PTPRD: variants seen among roughly 807,000 people sequenced by gnomAD.
PTPRD encodes protein tyrosine phosphatase receptor type D.
PTPRD carries 34 observed loss-of-function variants against 214.5 expected under a neutral mutation model. The observed-to-expected ratio is 0.16, with a 90% CI of 0.12 to 0.21. PTPRD has a LOEUF of 0.21. PTPRD is among the 10% of genes least tolerant of loss of function. PTPRD has a pLI of 1.00. For synonymous variants in PTPRD, 1,128 were observed against 845.7 expected (o/e 1.33, Z -5.79); for missense variants, 2,545 against 2,398.7 (o/e 1.06, Z -1.27).
At chr9:10,405,141 A>G (rs138171398) in intron 2 of PTPRD, among the ~76,000 whole-genome samples, 188 of 151,778 alleles carry the variant, frequency 1.2e-3, no homozygotes, top group African/African-American at 4.3e-3. Flanking sequence ...AGTCCTAAAG[A>G]AACTACAAAA....
intron 2 of PTPRD, among the ~76,000 whole-genome samples, chr9:10,425,220 G>C (rs1426623708): frequency 6.6e-6 from 1 of 151,890 alleles, no homozygotes; most frequent in Non-Finnish European, 1.5e-5. Flanking sequence ...CAGCTCATTA[G>C]AGTTATTCAA....
At chr9:9,869,010 A>G (rs2064749446) in intron 5 of PTPRD, among the ~76,000 whole-genome samples, 5 of 152,212 alleles carry the variant, frequency 3.3e-5, no homozygotes, top group Admixed American at 3.3e-4. Flanking sequence ...CATCTAATTA[A>G]GAGGCATAAT....
At chr9:8,828,922 G>A (rs937140605) in intron 11 of PTPRD, among the ~76,000 whole-genome samples, 91 of 152,062 alleles carry the variant, frequency 6.0e-4, no homozygotes, top group Non-Finnish European at 1.0e-3. Flanking sequence ...CAGCATATGT[G>A]GACAACAGTG....
chr9:9,207,758 T>A (rs1325339491), intron 9 of PTPRD, among the ~76,000 whole-genome samples: 1 of 152,084 alleles, frequency 6.6e-6, no homozygotes, highest in African/African-American at 2.4e-5. Context: ...TGGTCAAAGC[T>A]GTTAAATGTA....
chr9:9,573,902 A>T (rs2087449971), intron 8 of PTPRD, among the ~76,000 whole-genome samples: 1 of 151,796 alleles, frequency 6.6e-6, no homozygotes, highest in Non-Finnish European at 1.5e-5. Context: ...ACATTGCAAT[A>T]ATGCTATATG....
At chr9:8,911,415 T>TTGTGTGTGTGTG (rs757801073) in intron 11 of PTPRD, among the ~76,000 whole-genome samples, 4 of 127,632 alleles carry the variant, frequency 3.1e-5, no homozygotes, top group African/African-American at 8.1e-5. Flanking sequence ...TGTGTGTGTG[T>TTGTGTGTGTGTG]TGTGTGTGTG....
chr9:8,569,649 T>C (rs1403184700), intron 14 of PTPRD, among the ~76,000 whole-genome samples: 1 of 152,126 alleles, frequency 6.6e-6, no homozygotes, highest in Non-Finnish European at 1.5e-5. Context: ...TTCCTTTTCA[T>C]TTATCTAAAC....
At chr9:8,320,367 G>C (rs571092305) in intron 44 of PTPRD, among the ~76,000 whole-genome samples, 2 of 151,892 alleles carry the variant, frequency 1.3e-5, no homozygotes, top group Non-Finnish European at 2.9e-5. Context: ...AGTGAATTTG[G>C]CATCTTCAAC....
At chr9:9,843,026 TCTAACA>T (rs1370131500) in intron 5 of PTPRD, among the ~76,000 whole-genome samples, 2 of 152,120 alleles carry the variant, frequency 1.3e-5, no homozygotes, top group Non-Finnish European at 2.9e-5. Context: ...CAATTCAACA[TCTAACA>T]CTTGTGTTCA....
Position 9,769,831 on chromosome 9 carries a change from C to G in PTPRD, c.-367-2980G>C, listed in dbSNP as rs897752829. ...GTGTCCATGTGTTCTCATTGTTCAACTCCCACTTACAAGTGAGAACATGTG... is the reference window on the plus strand; with the variant it reads ...GTGTCCATGTGTTCTCATTGTTCAAGTCCCACTTACAAGTGAGAACATGTG... On this transcript the variant is annotated intron_variant, in intron 5 of 45. Transcript: ENST00000381196. 2.0e-5 allele frequency among the ~76,000 whole-genome samples: 3 copies of G among 151,912 alleles called. No individual in the cohort carries two copies. The East Asian group carries it at 5.8e-4, about 30-fold the overall frequency.
chr9:9,655,262 A>G (rs1320619009), intron 7 of PTPRD, among the ~76,000 whole-genome samples: 1 of 152,174 alleles, frequency 6.6e-6, no homozygotes, highest in Admixed American at 6.6e-5. Context: ...AACAATAAGA[A>G]AACAATCTGA....
At chr9:10,335,006 G>A (rs983348130) in intron 3 of PTPRD, among the ~76,000 whole-genome samples, 1 of 151,608 alleles carries the variant, frequency 6.6e-6, no homozygotes, top group Non-Finnish European at 1.5e-5. Flanking sequence ...CAACATAACA[G>A]TTCTTCCCAA....
intron 2 of PTPRD, among the ~76,000 whole-genome samples, chr9:10,521,669 C>G (rs532029220): frequency 6.6e-6 from 1 of 152,094 alleles, no homozygotes; most frequent in Non-Finnish European, 1.5e-5. Context: ...CCCTAACCTT[C>G]GACAACCACC....
At chr9:8,643,349 G>T (rs2096617368) in intron 12 of PTPRD, among the ~76,000 whole-genome samples, 1 of 151,962 alleles carries the variant, frequency 6.6e-6, no homozygotes, top group South Asian at 2.1e-4. Context: ...TATTAGGAAG[G>T]GAGGGAGGGA....
At chr9:10,188,534 T>A (rs1299055637) in intron 3 of PTPRD, among the ~76,000 whole-genome samples, 2 of 151,860 alleles carry the variant, frequency 1.3e-5, no homozygotes, top group Non-Finnish European at 2.9e-5. Context: ...GCTTTTTCAA[T>A]ATTTTTTTTT....
chr9:8,490,773 C>T (rs546985960), intron 27 of PTPRD, among the ~76,000 whole-genome samples: 9 of 152,136 alleles, frequency 5.9e-5, no homozygotes, highest in African/African-American at 1.4e-4. Flanking sequence ...GATCAGTACT[C>T]GTTTCCAAGA....
chr9:8,793,182 A>G (rs2096291120), intron 11 of PTPRD, among the ~76,000 whole-genome samples: 2 of 152,208 alleles, frequency 1.3e-5, no homozygotes, highest in South Asian at 4.1e-4. Context: ...TGCATGCCAT[A>G]CAATGATGGT....
At chr9:10,468,647 T>C (rs1178346416) in intron 2 of PTPRD, among the ~76,000 whole-genome samples, 2 of 151,948 alleles carry the variant, frequency 1.3e-5, no homozygotes, top group African/African-American at 4.8e-5. Context: ...TAAAATATAA[T>C]AAAAACATTA....
At chr9:10,055,782 TA>T in intron 3 of PTPRD, among the ~76,000 whole-genome samples, 1 of 151,772 alleles carries the variant, frequency 6.6e-6, no homozygotes, top group Admixed American at 6.6e-5. Context: ...GTGATTCAGT[TA>T]AGTCCAGAGG....
Sources: gnomAD v4.1 joint callset for allele counts (sites outside exome capture counted in the v4.1 genomes callset) on GRCh38, gnomAD v4.1.1 for gene constraint, MANE v1.5 for transcripts, NCBI Gene and HGNC (gene_info 2026-07-23, HGNC 2026-07-21) for gene names.